The following TM6SF1 variants were observed in gnomAD, a reference collection of about 807,000 sequenced individuals.
TM6SF1 encodes transmembrane 6 superfamily member 1.
Under a neutral mutation model 47.1 loss-of-function variants are expected in TM6SF1, and 43 were observed. The ratio of observed to expected loss-of-function variants is 0.91; its 90% confidence interval spans 0.72 to 1.18. The LOEUF (loss-of-function observed/expected upper bound fraction) is 1.18. Ranked by LOEUF, TM6SF1 falls within the 50% of genes most tolerant of loss-of-function variation. The probability of loss-of-function intolerance (pLI) is 0.00; values close to 1 mark genes in which losing one functional copy is unlikely to be tolerated. For synonymous variants in TM6SF1, 177 were observed against 166.3 expected, an observed-to-expected ratio of 1.06 and a Z score of -0.49; for missense variants, 390 against 449.0, an observed-to-expected ratio of 0.87 and a Z score of 1.19.
intron 5 of TM6SF1, among the ~76,000 whole-genome samples, chr15:83,122,421 A>C (rs1243903803): frequency 6.6e-6 from 1 of 152,198 alleles, no homozygotes; most frequent in Non-Finnish European, 1.5e-5. Flanking sequence ...ATAGATATAG[A>C]TATAGGGAGA....
At chr15:83,132,854 A>G (rs1198141644) in intron 9 of TM6SF1, 1 of 152,222 alleles carries the variant, frequency 6.6e-6, no homozygotes, top group East Asian at 1.9e-4. Context: ...ATTTAGTATT[A>G]AATTATACTG....
At chr15:83,115,085 G>GGAATCATTGAGAT (rs1488021883) in intron 2 of TM6SF1, 1 of 154,188 alleles carries the variant, frequency 6.5e-6, no homozygotes, top group Non-Finnish European at 1.4e-5. Context: ...GGCCTGCTTG[G>GGAATCATTGAGAT]GAATCATTGA....
Position 83,124,678 on chromosome 15 carries a change from C to T in TM6SF1, c.610C>T (p.Gln204Ter). The T allele has an allele frequency of 8.1e-6, 13 of 1,613,744 alleles. No homozygotes were observed. Among genetic ancestry groups the T allele is most frequent in the Non-Finnish European group, 1.1e-5 (13 of 1,179,808 alleles). Residue 204 changes from glutamine to a stop codon, truncating the protein, a stop_gained, in exon 7 of 10, where the codon CAA becomes TAA. Transcript: ENST00000322019. LOFTEE classifies it high-confidence loss of function. Reference sequence around the variant, plus strand: ...GGTACAAACTCTATTTTAGGTTATTCAAGAAGCCCAAGCGAAAGACCTGCT... The same window carrying T: ...GGTACAAACTCTATTTTAGGTTATTTAAGAAGCCCAAGCGAAAGACCTGCT... ...ENYNYPSKVI[Q>*]EAQAKDLLRR...
intron 5 of TM6SF1, among the ~76,000 whole-genome samples, chr15:83,122,391 A>ATAGG (rs1240414463): frequency 6.6e-6 from 1 of 151,960 alleles, no homozygotes; most frequent in Non-Finnish European, 1.5e-5. Flanking sequence ...ATCAGGATAT[A>ATAGG]TAGGTAGATA....
Position 83,112,784 on chromosome 15 carries a change from C to A in TM6SF1, c.93-13C>A, listed in dbSNP as rs376049026. 3 of 1,596,946 alleles carry A rather than the reference C, an allele frequency of 1.9e-6. No individual in the cohort carries two copies. The highest frequency in any genetic ancestry group is 2.7e-5 in the African/African-American group (2 of 74,592). ...TTTTGATAGTGACCACCTCCCTGTTCTGGTCGTTGCAGTTCCTGGACTATT... is the reference window on the plus strand; with the variant it reads ...TTTTGATAGTGACCACCTCCCTGTTATGGTCGTTGCAGTTCCTGGACTATT... On this transcript the variant is annotated splice_polypyrimidine_tract_variant and intron_variant, in intron 1 of 9. Coordinates refer to ENST00000322019, the MANE Select transcript of TM6SF1 (RefSeq NM_023003.5).
chr15:83,109,550 CCT>C (rs1487109915), intron 1 of TM6SF1, among the ~76,000 whole-genome samples: 1 of 152,140 alleles, frequency 6.6e-6, no homozygotes, highest in African/African-American at 2.4e-5. Flanking sequence ...GCCTTTGATT[CCT>C]CTCTTCTTTC....
chr15:83,117,468 A>G (rs555281676), intron 3 of TM6SF1, among the ~76,000 whole-genome samples: 1 of 152,298 alleles, frequency 6.6e-6, no homozygotes, highest in South Asian at 2.1e-4. Context: ...TTTAGAGACC[A>G]TGGCCAGAAG....
chr15:83,117,701 C>G (rs1283405467), intron 3 of TM6SF1, among the ~76,000 whole-genome samples: 4 of 151,980 alleles, frequency 2.6e-5, no homozygotes, highest in Non-Finnish European at 5.9e-5. Context: ...GGGCCAGGCT[C>G]TGGGGACCCA....
intron 9 of TM6SF1, 186 bp from the exon 10 acceptor site, chr15:83,136,295 C>T (rs902087588): frequency 2.2e-6 from 1 of 446,188 alleles, no homozygotes; most frequent in Non-Finnish European, 3.9e-6. Flanking sequence ...TAAATTTAAT[C>T]AAGGACTAAA....
chr15:83,108,879 G>C (rs2033904747), intron 1 of TM6SF1, among the ~76,000 whole-genome samples: 1 of 152,200 alleles, frequency 6.6e-6, no homozygotes, highest in Non-Finnish European at 1.5e-5. Flanking sequence ...GTCTACCCTT[G>C]GTCTGGCCCA....
intron 3 of TM6SF1, 87 bp downstream of exon 3, chr15:83,116,029 AGT>A: frequency 1.9e-6 from 2 of 1,047,906 alleles, no homozygotes; most frequent in Non-Finnish European, 3.0e-6. Flanking sequence ...CCTCTCATTT[AGT>A]GTGAACAGGT....
In TM6SF1 at chr15:83,124,787, C is replaced by T. The variant is rs371714211; in HGVS notation, c.708+11C>T. On this transcript the variant is annotated intron_variant, in intron 7 of 9. Transcript: ENST00000322019. Reference sequence around the variant, plus strand: ...CTGTTCAGAGGTTTGGTAAGCATAACAGATCATAATAACGTAACATTGTGA... The same window carrying T: ...CTGTTCAGAGGTTTGGTAAGCATAATAGATCATAATAACGTAACATTGTGA... 3.1e-6 allele frequency: 5 copies of T among 1,592,942 alleles called. No homozygotes were observed. Among genetic ancestry groups the T allele is most frequent in the Non-Finnish European group, 4.3e-6 (5 of 1,161,100 alleles).
Position 83,107,880 on chromosome 15 carries a change from G to C in TM6SF1, c.92+108G>C, listed in dbSNP as rs1334460841. ...AGGGGGCTGGGACCGTCCGCCGCGG[G>C]ACAGAGGTTCGTGGCCGCAGGGGCT... On this transcript the variant is annotated intron_variant, in intron 1 of 9. Transcript: ENST00000322019. The surrounding 1 kb of genome is among the most constrained non-coding windows in gnomAD (Gnocchi z 5.6). 7.4e-7 allele frequency: 1 copy of C among 1,349,876 alleles called. No homozygotes were observed. Among genetic ancestry groups the C allele is most frequent in the Non-Finnish European group, 9.5e-7 (1 of 1,048,140 alleles). 83.6% of individuals were successfully genotyped at this position (1,349,876 alleles called of 1,614,324 possible).
At chr15:83,110,433 TCAGAGA>T (rs1358167467) in intron 1 of TM6SF1, among the ~76,000 whole-genome samples, 1 of 151,932 alleles carries the variant, frequency 6.6e-6, no homozygotes, top group African/African-American at 2.4e-5. Context: ...GTGCCAAGAG[TCAGAGA>T]CAATCTGCTG....
rs1373526970 is a variant in TM6SF1, at chr15:83,136,762, G to T, written c.*90G>T. 9.3e-7 allele frequency: 1 copy of T among 1,080,994 alleles called. No individual in the cohort carries two copies. Among genetic ancestry groups the T allele is most frequent in the Non-Finnish European group, 1.3e-6 (1 of 746,870 alleles). The allele number at this position is 1,080,994 out of a possible 1,614,324, so 67.0% of individuals were successfully genotyped here. A position where few individuals can be genotyped will look rare whatever the true frequency, so the allele number is the denominator to read the frequency against. ...GTCCCATTTCACTCTCTTCTCATAC[G>T]TGAGTACTTAAGAATATGTACATTC... On this transcript the variant is annotated 3_prime_UTR_variant, in exon 10 of 10. Coordinates refer to ENST00000322019, the MANE Select transcript of TM6SF1 (RefSeq NM_023003.5).
At chr15:83,114,336 A>G (rs2034460260) in intron 2 of TM6SF1, 1 of 152,304 alleles carries the variant, frequency 6.6e-6, no homozygotes, top group Non-Finnish European at 1.5e-5. Context: ...CACGTACTAG[A>G]AGGCAGAGAC....
chr15:83,125,221 A>G (rs2035631232), intron 7 of TM6SF1, among the ~76,000 whole-genome samples: 3 of 152,208 alleles, frequency 2.0e-5, no homozygotes, highest in Non-Finnish European at 4.4e-5. Context: ...ATGTAGGGTC[A>G]TGGGAATGTC....
rs747875705 is a variant in TM6SF1, at chr15:83,127,468, T to A, written c.912T>A (p.Gly304=). ...MPDITLIHAG[G]LAQAQFSHIG... The stretch of plus-strand genomic sequence containing the variant: ...ACATCACATTGATACATGCTGGAGG[T>A]CTGGCTCAGGTACTAAGAATATTCT... The change falls in exon 9 of 10, where the codon GGT becomes GGA. Residue 304 remains glycine (G), a synonymous_variant. Coordinates refer to ENST00000322019, the MANE Select transcript of TM6SF1 (RefSeq NM_023003.5). The A allele has an allele frequency of 2.2e-5, 35 of 1,613,642 alleles. No individual in the cohort carries two copies. Among genetic ancestry groups the A allele is most frequent in the Non-Finnish European group, 2.8e-5 (33 of 1,179,810 alleles).
intron 9 of TM6SF1, chr15:83,127,680 C>T (rs534989796): frequency 1.0e-5 from 5 of 488,688 alleles, no homozygotes; most frequent in African/African-American, 1.0e-4. Context: ...ATGTGCCATC[C>T]AGTTACACAG....
Sources: allele counts gnomAD v4.1 joint callset (sites outside exome capture counted in the v4.1 genomes callset), GRCh38; gene constraint gnomAD v4.1.1; non-coding constraint Gnocchi (gnomAD v3.1); transcripts MANE v1.5; gene names NCBI Gene and HGNC (gene_info 2026-07-23, HGNC 2026-07-21).